The following DAPK1 variants were observed in gnomAD, a reference collection of about 807,000 sequenced individuals.
DAPK1 encodes death associated protein kinase 1.
A neutral mutation model predicts 144.9 loss-of-function variants in DAPK1; 56 were observed. That is an observed-to-expected ratio of 0.39 (90% CI 0.31 to 0.48). The LOEUF is 0.48. Ranked by LOEUF, DAPK1 falls within the 20% of genes least tolerant of loss-of-function variation. The pLI, the probability that DAPK1 is intolerant of heterozygous loss-of-function variation, is 0.95. For synonymous variants in DAPK1, 690 were observed against 749.0 expected, an observed-to-expected ratio of 0.92 and a Z score of 1.29; for missense variants, 1,454 against 1,875.4, an observed-to-expected ratio of 0.78 and a Z score of 4.15.
Position 87,607,235 on chromosome 9 carries a change from G to A in DAPK1, c.284+2060G>A, listed in dbSNP as rs117117912. On this transcript the variant is annotated intron_variant, in intron 3 of 25. Transcript: ENST00000408954. ...AGCCTAGAGTGAAGATGGGGGCTGG[G>A]GAACCAGACAGAACTGGGATCAAAA... is the stretch of plus-strand genomic sequence containing the variant. Among the ~76,000 whole-genome samples the A allele has an allele frequency of 3.9e-5, 6 of 152,196 alleles. No homozygotes were observed. The East Asian group carries it at 1.2e-3, about 29-fold the overall frequency.
chr9:87,602,265 GCATC>G (rs1828550891), intron 2 of DAPK1, among the ~76,000 whole-genome samples: 1 of 152,154 alleles, frequency 6.6e-6, no homozygotes, highest in East Asian at 1.9e-4. Flanking sequence ...CAGTACCCCA[GCATC>G]CACACAGAGC....
At chr9:87,620,498 A>C (rs1428393764) in intron 3 of DAPK1, among the ~76,000 whole-genome samples, 1 of 143,812 alleles carries the variant, frequency 7.0e-6, no homozygotes, top group Non-Finnish European at 1.5e-5. Context: ...CTGTCCTGGG[A>C]TTTCCAGGTC....
At chr9:87,635,464 C>G (rs1829857431) in intron 3 of DAPK1, among the ~76,000 whole-genome samples, 1 of 152,182 alleles carries the variant, frequency 6.6e-6, no homozygotes, top group Non-Finnish European at 1.5e-5. Context: ...GCACCACATT[C>G]ACAGCAGAAG....
At chr9:87,588,141 G>A (rs1216357493) in intron 2 of DAPK1, among the ~76,000 whole-genome samples, 4 of 152,212 alleles carry the variant, frequency 2.6e-5, no homozygotes, top group Admixed American at 2.0e-4. Flanking sequence ...CCTCCAAAGT[G>A]CATAAGTCAT....
chr9:87,596,153 C>T (rs532650392), intron 2 of DAPK1, among the ~76,000 whole-genome samples: 56 of 152,234 alleles, frequency 3.7e-4, no homozygotes, highest in African/African-American at 1.3e-3. Flanking sequence ...TGCCTTCATC[C>T]TGTGCTGAAA....
At chr9:87,694,849 C>T (rs746530681) in intron 21 of DAPK1, among the ~76,000 whole-genome samples, 12 of 152,086 alleles carry the variant, frequency 7.9e-5, no homozygotes, top group East Asian at 1.9e-4. Flanking sequence ...CAAATGGTGC[C>T]GCACTGTAGC....
At chr9:87,675,893 A>ACACACACC (rs1157898314) in intron 19 of DAPK1, among the ~76,000 whole-genome samples, 6 of 133,618 alleles carry the variant, frequency 4.5e-5, no homozygotes, top group African/African-American at 2.8e-5. Flanking sequence ...ACACACACAC[A>ACACACACC]CACCCTTATG....
chr9:87,498,888 G>C (rs372911042), intron 1 of DAPK1, 82 bp from the exon 2 acceptor site: 86 of 529,342 alleles, frequency 1.6e-4, no homozygotes, highest in Middle Eastern at 1.0e-3. Context: ...TTCAGCGAGC[G>C]GGGTCTTAGC....
chr9:87,621,498 C>T (rs1218111710), intron 3 of DAPK1, among the ~76,000 whole-genome samples: 1 of 152,224 alleles, frequency 6.6e-6, no homozygotes, highest in Non-Finnish European at 1.5e-5. Flanking sequence ...CCTGGCCTTC[C>T]CAGGGAGGAA....
At chr9:87,536,033 C>T (rs937525285) in intron 2 of DAPK1, among the ~76,000 whole-genome samples, 2 of 152,176 alleles carry the variant, frequency 1.3e-5, no homozygotes, top group East Asian at 1.9e-4. Flanking sequence ...CAGCCTCTTC[C>T]GCCTCCCAAG....
chr9:87,646,520 G>T lies in DAPK1; in HGVS notation c.1191G>T (p.Leu397Phe). The change falls in exon 13 of 26, where the codon TTG (leucine) becomes TTT (phenylalanine). Residue 397 changes from leucine (L) to phenylalanine (F), a missense_variant. Around this residue, in one of 2 missense-constraint regions of DAPK1, gnomAD observed 429 missense variants for 637.5 expected, o/e 0.67. Transcript: ENST00000408954. ...GTGGGAATATTCAAATACTACAGTTGCTCATTAAAAGAGGCTCGAGAATCG... is the reference window on the plus strand; with the variant it reads ...GTGGGAATATTCAAATACTACAGTTTCTCATTAAAAGAGGCTCGAGAATCG... ...AGCGNIQILQLLIKRGSRIDV... is the reference protein window; with the variant it reads ...AGCGNIQILQFLIKRGSRIDV... 2 of 1,613,968 alleles carry T rather than the reference G, an allele frequency of 1.2e-6. No individual in the cohort carries two copies. Among genetic ancestry groups the T allele is most frequent in the Non-Finnish European group, 1.7e-6 (2 of 1,179,866 alleles).
chr9:87,638,028 C>G lies in DAPK1; in HGVS notation c.370C>G (p.Leu124Val). Reference protein sequence around the residue: ...EEATEFLKQILNGVYYLHSLQ... With the variant: ...EEATEFLKQIVNGVYYLHSLQ... ...AGCAACTGAATTTCTCAAACAAATT[C>G]TTAATGGTGTTTACTACCTGCACTC... The change falls in exon 4 of 26, where the codon CTT becomes GTT. Residue 124 changes from leucine to valine, a missense_variant. Leu to Val is a conservative substitution (Grantham distance 32). Coordinates refer to ENST00000408954, the MANE Select transcript of DAPK1 (RefSeq NM_004938.4). 6.2e-7 allele frequency: 1 copy of G among 1,614,034 alleles called. No homozygotes were observed. Among genetic ancestry groups the G allele is most frequent in the Non-Finnish European group, 8.5e-7 (1 of 1,179,894 alleles).
chr9:87,619,338 T>G (rs143030226), intron 3 of DAPK1, among the ~76,000 whole-genome samples: 2 of 152,356 alleles, frequency 1.3e-5, no homozygotes, highest in East Asian at 1.9e-4. Context: ...TTTTACTGAT[T>G]TATTTTTCTG....
chr9:87,706,019 A>T lies in DAPK1; in HGVS notation c.3061-113A>T. On this transcript the variant is annotated intron_variant, in intron 25 of 25. Coordinates refer to ENST00000408954, the MANE Select transcript of DAPK1 (RefSeq NM_004938.4). This position sits in a 1 kb window ranked among gnomAD's most constrained non-coding sequence, Gnocchi z 9.0. ...GTGGAATGGCCTTGGGTCACTCCTTAGAGCATCTGCTCAGCCTCTGTTGCC... is the reference window on the plus strand; with the variant it reads ...GTGGAATGGCCTTGGGTCACTCCTTTGAGCATCTGCTCAGCCTCTGTTGCC... 1.3e-6 allele frequency: 1 copy of T among 758,348 alleles called. No homozygotes were observed. 47.0% of individuals were successfully genotyped at this position (758,348 alleles called of 1,614,324 possible).
At position 87,642,004 on chromosome 9, in the gene DAPK1, A is replaced by G. The variant is rs938957032; in HGVS notation, c.864A>G (p.Ala288=). 25 of 1,614,134 alleles carry G rather than the reference A, an allele frequency of 1.5e-5. No homozygotes were observed. Among genetic ancestry groups the G allele is most frequent in the Non-Finnish European group, 2.0e-5 (24 of 1,179,998 alleles). The change falls in exon 10 of 26, where the codon GCA becomes GCG. Residue 288 remains alanine, a synonymous_variant. Coordinates refer to ENST00000408954, the MANE Select transcript of DAPK1 (RefSeq NM_004938.4). ...KDTQQALSRK[A]SAVNMEKFKK... The stretch of plus-strand genomic sequence containing the variant: ...CACAACAGGCACTTAGTAGAAAAGC[A>G]TCAGCAGTAAACATGGAGAAATTCA...
chr9:87,598,529 ATGGCAT>A (rs1828398650), intron 2 of DAPK1, among the ~76,000 whole-genome samples: 1 of 152,112 alleles, frequency 6.6e-6, no homozygotes, highest in Non-Finnish European at 1.5e-5. Context: ...ACTTGTTCTA[ATGGCAT>A]GTCTGGATCA....
At chr9:87,652,430 C>T (rs1168213990) in intron 17 of DAPK1, among the ~76,000 whole-genome samples, 4 of 80,274 alleles carry the variant, frequency 5.0e-5, no homozygotes, top group Admixed American at 1.2e-4. Flanking sequence ...CTGTGTCCTC[C>T]CACCTGATCC....
chr9:87,583,680 C>T (rs1587739750), intron 2 of DAPK1, among the ~76,000 whole-genome samples: 1 of 152,082 alleles, frequency 6.6e-6, no homozygotes, highest in African/African-American at 2.4e-5. Flanking sequence ...TTTCCAGCCA[C>T]CTTCTCCTCT....
At chr9:87,645,606 G>C (rs894921693) in intron 11 of DAPK1, among the ~76,000 whole-genome samples, 1 of 152,188 alleles carries the variant, frequency 6.6e-6, no homozygotes, top group Non-Finnish European at 1.5e-5. Flanking sequence ...TAAACACAAA[G>C]GGTTACTTAT....
Sources: gnomAD v4.1 joint callset for allele counts (sites outside exome capture counted in the v4.1 genomes callset) on GRCh38, gnomAD v4.1.1 for gene constraint, gnomAD v4.1.1 regional missense constraint, Gnocchi (gnomAD v3.1) non-coding constraint, MANE v1.5 for transcripts, NCBI Gene and HGNC (gene_info 2026-07-23, HGNC 2026-07-21) for gene names.